Variants in WNK4 observed in about 807,000 individuals in gnomAD.
WNK4 encodes the protein WNK lysine deficient protein kinase 4, also known as serine/threonine-protein kinase WNK4.
In WNK4, 94 loss-of-function variants were observed where a neutral mutation model predicts 116.2. The ratio of observed to expected loss-of-function variants is 0.81; its 90% CI spans 0.68 to 0.96. The LOEUF (loss-of-function observed/expected upper bound fraction) is 0.96, where lower values mean the gene tolerates loss of function less well. WNK4 is among the 40% of genes least tolerant of loss of function. The pLI is 0.00. For synonymous variants in WNK4, 655 were observed against 672.7 expected, an observed-to-expected ratio of 0.97 and a Z score of 0.41; for missense variants, 1,542 against 1,650.6, an observed-to-expected ratio of 0.93 and a Z score of 1.14.
chr17:42,786,942 A>T (rs144708672), intron 6 of WNK4, among the ~76,000 whole-genome samples: 19 of 152,278 alleles, frequency 1.2e-4, no homozygotes, highest in East Asian at 5.8e-4. Context: ...CGCTCACTAG[A>T]TTCAGTAGCA....
rs1449071424 is a variant in WNK4 at position 42,782,229 on chromosome 17, G to A, written c.619-529G>A. On this transcript the variant is annotated intron_variant, in intron 1 of 18. Coordinates refer to ENST00000246914, the MANE Select transcript of WNK4 (RefSeq NM_032387.5). The surrounding 1 kb of genome is among the most constrained non-coding windows in gnomAD (Gnocchi z 4.2). ...AGGGGAGGGAGAGGAGCCGGGGCGG[G>A]ACGACTATGGGGGTGGGCAGCCTCC... Among the ~76,000 whole-genome samples, 1 of 147,780 alleles carries A rather than the reference G, an allele frequency of 6.8e-6. No individual in the cohort carries two copies. The highest frequency in any genetic ancestry group is 1.5e-5 in the Non-Finnish European group (1 of 66,948).
In WNK4 at chr17:42,795,514, C is replaced by G; in HGVS notation, c.3015C>G (p.Ile1005Met). The G allele has an allele frequency of 6.2e-7, 1 of 1,614,274 alleles. No individual in the cohort carries two copies. Among genetic ancestry groups the G allele is most frequent in the Non-Finnish European group, 8.5e-7 (1 of 1,180,046 alleles). The change falls in exon 15 of 19, where the codon ATC becomes ATG. Residue 1005 changes from isoleucine (I) to methionine (M), a missense_variant. Transcript: ENST00000246914. ...CAGGGGAAGCCAGGCTGGCGCCCAT[C>G]TCTGAAGGTAAGGCCTCTGACCACT... Reference protein sequence around the residue: ...PLPGEARLAPISEEGKPQLVG... With the variant: ...PLPGEARLAPMSEEGKPQLVG...
intron 12 of WNK4, 60 bp from the exon 13 acceptor site, chr17:42,794,554 C>A (rs1194087513): frequency 3.1e-5 from 50 of 1,591,906 alleles, no homozygotes; most frequent in Non-Finnish European, 4.1e-5. Context: ...CCCGGTCTGA[C>A]ACCTTCCATC....
At chr17:42,781,759 G>A (rs1421275129) in intron 1 of WNK4, among the ~76,000 whole-genome samples, 1 of 152,114 alleles carries the variant, frequency 6.6e-6, no homozygotes, top group Admixed American at 6.5e-5. Context: ...CTGGGATGCG[G>A]GAAGCCAGGA....
intron 6 of WNK4, 70 bp from the exon 7 acceptor site, chr17:42,787,208 A>G (rs1483220379): frequency 3.4e-5 from 54 of 1,602,682 alleles, no homozygotes; most frequent in Non-Finnish European, 4.6e-5. Flanking sequence ...GGAGTTCCCA[A>G]GAAGGCGTCC....
chr17:42,783,058 C>G, intron 2 of WNK4, 128 bp downstream of exon 2: 1 of 1,295,026 alleles, frequency 7.7e-7, no homozygotes. Context: ...CTCCCTCTCA[C>G]CCAACCTTTG....
Position 42,785,289 on chromosome 17 carries a change from C to G in WNK4, c.1283C>G (p.Ala428Gly), listed in dbSNP as rs779760596. 6.2e-7 allele frequency: 1 copy of G among 1,611,334 alleles called. No homozygotes were observed. The highest frequency in any genetic ancestry group is 2.2e-5 in the East Asian group (1 of 44,768). ...NERFTIQDLL[A>G]HAFFREERGV... The stretch of plus-strand genomic sequence containing the variant: ...AGGTTCACCATCCAGGACCTCCTGG[C>G]CCACGCCTTCTTCCGCGAGGAGCGC... Residue 428 changes from alanine to glycine, a missense_variant, in exon 6 of 19, where the codon GCC (alanine) becomes GGC (glycine). Physicochemically the swap from Ala to Gly is moderately conservative, Grantham distance 60. Transcript: ENST00000246914.
In WNK4 at chr17:42,793,618, G is replaced by A. The variant is rs768643505; in HGVS notation, c.2184G>A (p.Ser728=). ...AMVYNEFILP[S]ERDGFLRRIR... ...TATATAACGAGTTCATTCTGCCTTC[G>A]GAGCGAGATGGATTTCTCAGACGGA... Residue 728 remains serine (S), a synonymous_variant, in exon 12 of 19, where the codon TCG becomes TCA. Transcript: ENST00000246914. 15 of 1,613,986 alleles carry A rather than the reference G, an allele frequency of 9.3e-6. No homozygotes were observed. In the Middle Eastern group the frequency reaches 4.9e-4, roughly 53 times the overall value.
At position 42,794,757 on chromosome 17, in the gene WNK4, T is replaced by C. The variant is rs770232159; in HGVS notation, c.2351-15T>C. 2 of 1,613,794 alleles carry C rather than the reference T, an allele frequency of 1.2e-6. No homozygotes were observed. Among genetic ancestry groups the C allele is most frequent in the Non-Finnish European group, 1.7e-6 (2 of 1,179,968 alleles). ...GGCATGTGGGACTGTGGTCTCAACA[T>C]ACCCTCCTTCCCAGAAGAGCTCCAG... On this transcript the variant is annotated splice_polypyrimidine_tract_variant and intron_variant, in intron 13 of 18. Coordinates refer to ENST00000246914, the MANE Select transcript of WNK4 (RefSeq NM_032387.5).
intron 12 of WNK4, 106 bp downstream of exon 12, chr17:42,793,835 T>C (rs2054631430): frequency 7.0e-7 from 1 of 1,419,282 alleles, no homozygotes; most frequent in Non-Finnish European, 9.8e-7. Flanking sequence ...TCTTCATCTC[T>C]GGGACCCTAA....
chr17:42,788,528 C>A, intron 10 of WNK4, 121 bp downstream of exon 10: 3 of 1,210,786 alleles, frequency 2.5e-6, no homozygotes, highest in Non-Finnish European at 2.5e-6. Flanking sequence ...ACTCAAGAGG[C>A]GGCCAGTCTG....
intron 11 of WNK4, among the ~76,000 whole-genome samples, chr17:42,789,665 A>AAAATAAATAAAT (rs3138622): frequency 5.9e-4 from 84 of 143,134 alleles, no homozygotes; most frequent in Middle Eastern, 3.5e-3. Flanking sequence ...ATTCTGTCTA[A>AAAATAAATAAAT]AAATAAATAA....
At position 42,781,081 on chromosome 17, in the gene WNK4, C is replaced by G. The variant is rs773898452; in HGVS notation, c.383C>G (p.Pro128Arg). The G allele has an allele frequency of 2.4e-5, 38 of 1,612,992 alleles. No individual in the cohort carries two copies. In the South Asian group the frequency reaches 4.1e-4, roughly 17 times the overall value. Residue 128 changes from proline to arginine, a missense_variant, in exon 1 of 19, where the codon CCG (proline) becomes CGG (arginine). This residue lies in a region of WNK4 where 243 missense variants were observed against 217.8 expected (regional missense o/e 1.12). Coordinates refer to ENST00000246914, the MANE Select transcript of WNK4 (RefSeq NM_032387.5). ...AAEDSARPELPDSAVGPGSRE... is the reference protein window; with the variant it reads ...AAEDSARPELRDSAVGPGSRE... ...GAAGACTCCGCGCGTCCCGAGCTCC[C>G]GGACTCTGCAGTGGGCCCGGGGTCC...
Position 42,781,258 on chromosome 17 carries a change from C to T in WNK4, c.560C>T (p.Thr187Met), listed in dbSNP as rs1186879600. The change falls in exon 1 of 19, where the codon ACG becomes ATG. Residue 187 changes from threonine to methionine, a missense_variant. By Grantham distance (81) the Thr-to-Met change is moderately conservative (BLOSUM62 -1). This residue lies in a region of WNK4 where 44 missense variants were observed against 77.7 expected (regional missense o/e 0.57). Transcript: ENST00000246914. ...DIEIGRGSFK[T>M]VYRGLDTDTT... ...GAGATTGGACGTGGCTCCTTCAAGA[C>T]GGTGTATCGAGGGCTAGACACCGAC... 8.1e-6 allele frequency: 13 copies of T among 1,614,154 alleles called. No homozygotes were observed. The highest frequency in any genetic ancestry group is 2.2e-5 in the East Asian group (1 of 44,872).
At chr17:42,791,656 GA>G (rs2054607915) in intron 11 of WNK4, among the ~76,000 whole-genome samples, 4 of 139,366 alleles carry the variant, frequency 2.9e-5, no homozygotes, top group Non-Finnish European at 6.0e-5. Context: ...AAAAAAAGAA[GA>G]AAGAAAGAAA....
chr17:42,788,537 T>A, intron 10 of WNK4, 130 bp downstream of exon 10: 1 of 1,180,960 alleles, frequency 8.5e-7, no homozygotes, highest in Non-Finnish European at 1.3e-6. Flanking sequence ...GCGGCCAGTC[T>A]GGTTTCTAAT....
Position 42,785,449 on chromosome 17 carries a change from C to A in WNK4, c.1443C>A (p.Gly481=), listed in dbSNP as rs1273106479. The A allele has an allele frequency of 1.3e-6, 2 of 1,555,318 alleles. No individual in the cohort carries two copies. The highest frequency in any genetic ancestry group is 1.7e-6 in the Non-Finnish European group (2 of 1,148,922). The change falls in exon 6 of 19, where the codon GGC becomes GGA. Residue 481 remains glycine (G), a synonymous_variant. Coordinates refer to ENST00000246914, the MANE Select transcript of WNK4 (RefSeq NM_032387.5). ...CCATCGAGTTCCTGTTCCAGCTGGG[C>A]CGGGACGCGGCCGAGGAGGTGGCAC... is the stretch of plus-strand genomic sequence containing the variant. The part of the protein sequence containing the change: ...NQAIEFLFQL[G]RDAAEEVAQE...
At chr17:42,788,948 G>T in intron 11 of WNK4, 151 bp downstream of exon 11, 1 of 715,758 alleles carries the variant, frequency 1.4e-6, no homozygotes. Flanking sequence ...AGATGTCTCA[G>T]CCCTTGTTTT....
At chr17:42,789,863 G>A (rs2054591981) in intron 11 of WNK4, among the ~76,000 whole-genome samples, 1 of 151,884 alleles carries the variant, frequency 6.6e-6, no homozygotes, top group African/African-American at 2.4e-5. Flanking sequence ...AAAATTAGCC[G>A]TGTGTGGCGG....
Sources: gnomAD v4.1 joint callset for allele counts (sites outside exome capture counted in the v4.1 genomes callset) on GRCh38, gnomAD v4.1.1 for gene constraint, gnomAD v4.1.1 regional missense constraint, Gnocchi (gnomAD v3.1) non-coding constraint, MANE v1.5 for transcripts, NCBI Gene and HGNC (gene_info 2026-07-23, HGNC 2026-07-21) for gene names.